The following SGCD variants were observed in gnomAD, a reference collection of about 807,000 sequenced individuals.
SGCD encodes delta-sarcoglycan.
A neutral mutation model predicts 36.6 loss-of-function variants in SGCD; 18 were observed. The observed-to-expected ratio is 0.49, with a 90% CI of 0.34 to 0.73. The LOEUF is 0.73. SGCD is among the 30% of genes least tolerant of loss of function. The pLI is 0.01. For synonymous variants in SGCD, 133 were observed against 130.6 expected (o/e 1.02, Z -0.12); for missense variants, 387 against 346.7 (o/e 1.12, Z -0.92).
At chr5:156,621,642 G>T (rs910804613) in intron 6 of SGCD, among the ~76,000 whole-genome samples, 5 of 152,234 alleles carry the variant, frequency 3.3e-5, no homozygotes, top group Admixed American at 2.6e-4. Context: ...ATTAAGTTGA[G>T]ACTGGAAGGA....
At chr5:156,275,177 A>C (rs1480289703) in intron 3 of SGCD, among the ~76,000 whole-genome samples, 1 of 152,156 alleles carries the variant, frequency 6.6e-6, no homozygotes, top group Non-Finnish European at 1.5e-5. Context: ...GAGGGAGAAT[A>C]GGAAAATAGG....
chr5:156,722,263 A>G (rs1013533359), intron 7 of SGCD, among the ~76,000 whole-genome samples: 17 of 152,188 alleles, frequency 1.1e-4, no homozygotes, highest in Admixed American at 1.1e-3. Context: ...TGAAAGCTCT[A>G]AAGAAAAACA....
chr5:156,226,964 AT>A (rs1764874890), intron 3 of SGCD, among the ~76,000 whole-genome samples: 1 of 151,406 alleles, frequency 6.6e-6, no homozygotes, highest in Non-Finnish European at 1.5e-5. Flanking sequence ...TTGCTTGCTT[AT>A]TTTTTTGAGA....
At chr5:156,482,812 A>ATTTTTT (rs1755490348) in intron 3 of SGCD, among the ~76,000 whole-genome samples, 1 of 57,144 alleles carries the variant, frequency 1.7e-5, no homozygotes, top group Admixed American at 1.7e-4. Context: ...CCTTTTGGTC[A>ATTTTTT]GTTTTTTTTT....
chr5:156,589,472 A>G (rs753508015), intron 5 of SGCD, among the ~76,000 whole-genome samples, 154 bp downstream of exon 5: 3 of 152,226 alleles, frequency 2.0e-5, no homozygotes, highest in Non-Finnish European at 4.4e-5. Flanking sequence ...TGATTCTACT[A>G]GAGGGTAGAA....
intron 1 of SGCD, among the ~76,000 whole-genome samples, chr5:155,975,417 C>T (rs771543415): frequency 2.6e-5 from 4 of 151,910 alleles, no homozygotes; most frequent in African/African-American, 9.7e-5. Flanking sequence ...ATGCACAGGA[C>T]GGTCCCCCAA....
intron 4 of SGCD, among the ~76,000 whole-genome samples, chr5:156,575,295 C>A (rs989128227): frequency 5.9e-5 from 9 of 152,182 alleles, no homozygotes; most frequent in African/African-American, 2.2e-4. Context: ...TCTCTGCTTA[C>A]TGGCTTTCTC....
chr5:156,169,049 C>T (rs767012647), intron 3 of SGCD, among the ~76,000 whole-genome samples: 4 of 152,186 alleles, frequency 2.6e-5, no homozygotes, highest in Admixed American at 6.5e-5. Flanking sequence ...CCTAAAGAAC[C>T]TCCCAAGCAT....
chr5:155,850,754 C>T, the SGCD span, among the ~76,000 whole-genome samples: 1 of 152,108 alleles, frequency 6.6e-6, no homozygotes, highest in Non-Finnish European at 1.5e-5. Flanking sequence ...TTTCCCTTGC[C>T]CTTGACCTTC....
chr5:156,466,218 G>A (rs1046238128), intron 3 of SGCD, among the ~76,000 whole-genome samples: 5 of 152,138 alleles, frequency 3.3e-5, no homozygotes, highest in Non-Finnish European at 7.4e-5. Context: ...CTTAACTGGC[G>A]AACTATAGGG....
At chr5:156,307,552 G>GTTTTTATTT in intron 3 of SGCD, among the ~76,000 whole-genome samples, 1 of 48,442 alleles carries the variant, frequency 2.1e-5, no homozygotes, top group Non-Finnish European at 3.7e-5. Flanking sequence ...CATTTTAACT[G>GTTTTTATTT]TTGTTTTTTT....
chr5:156,755,479 G>A (rs1757302954), intron 7 of SGCD, among the ~76,000 whole-genome samples: 1 of 152,218 alleles, frequency 6.6e-6, no homozygotes, highest in African/African-American at 2.4e-5. Flanking sequence ...TATCTCAAAA[G>A]TGAGAGGGAG....
intron 3 of SGCD, among the ~76,000 whole-genome samples, chr5:156,126,225 A>G (rs936695123): frequency 3.3e-5 from 5 of 152,130 alleles, no homozygotes; most frequent in African/African-American, 1.2e-4. Flanking sequence ...CTAAAAAGTT[A>G]TCTGCTTGTC....
chr5:155,779,447 A>G, the SGCD span, among the ~76,000 whole-genome samples: 2,568 of 152,192 alleles, frequency 0.017, 75 homozygotes, highest in African/African-American at 0.057. Context: ...AAAAAAAACA[A>G]AAAAAATGAT....
chr5:156,626,876 C>T (rs1762459781), intron 6 of SGCD, among the ~76,000 whole-genome samples: 1 of 152,116 alleles, frequency 6.6e-6, no homozygotes, highest in South Asian at 2.1e-4. Flanking sequence ...TAAGATGGAC[C>T]TATTACCCCA....
chr5:156,251,143 A>T (rs1189220581), intron 3 of SGCD, among the ~76,000 whole-genome samples: 2 of 152,264 alleles, frequency 1.3e-5, no homozygotes, highest in African/African-American at 4.8e-5. Flanking sequence ...GTTTTAAAAA[A>T]GCAACCAAAT....
At chr5:155,886,814 A>C (rs538448057) in intron 1 of SGCD, among the ~76,000 whole-genome samples, 1 of 152,330 alleles carries the variant, frequency 6.6e-6, no homozygotes, top group South Asian at 2.1e-4. Context: ...GAGAATGCCC[A>C]GGGGCAAAAA....
intron 7 of SGCD, among the ~76,000 whole-genome samples, chr5:156,724,043 G>A (rs1003185326): frequency 1.3e-5 from 2 of 152,146 alleles, no homozygotes; most frequent in African/African-American, 4.8e-5. Flanking sequence ...ATGACAGTGG[G>A]TGTAAAAACA....
intron 3 of SGCD, among the ~76,000 whole-genome samples, chr5:156,282,107 C>G (rs778926443): frequency 4.6e-5 from 7 of 151,940 alleles, no homozygotes; most frequent in Non-Finnish European, 7.4e-5. Flanking sequence ...TGATTCATGT[C>G]GACTCCCTAA....
Sources: gnomAD v4.1 joint callset for allele counts (sites outside exome capture counted in the v4.1 genomes callset) on GRCh38, gnomAD v4.1.1 for gene constraint, MANE v1.5 for transcripts, NCBI Gene and HGNC (gene_info 2026-07-23, HGNC 2026-07-21) for gene names.